The following ACTR10 variants were observed in gnomAD, a reference collection of about 807,000 sequenced individuals.
ACTR10 encodes actin related protein 10.
A neutral mutation model predicts 56.2 loss-of-function variants in ACTR10; 43 were observed. The observed-to-expected ratio is 0.77, with a 90% CI of 0.60 to 0.99. ACTR10 has a LOEUF of 0.99. Among genes scored for constraint, ACTR10 ranks in the 50% least tolerant of loss-of-function variants. The pLI is 0.00. For missense variants in ACTR10, 466 were observed against 507.8 expected (o/e 0.92, Z 0.79); for synonymous variants, 170 against 176.3 (o/e 0.96, Z 0.28).
Position 58,209,116 on chromosome 14 carries a change from C to A in ACTR10, c.342+9C>A. On this transcript the variant is annotated intron_variant, in intron 4 of 12. Coordinates refer to ENST00000254286, the MANE Select transcript of ACTR10 (RefSeq NM_018477.3). ...TTTTCAAATATTTTGAGGTACCTGTCTTTATATCAAATAAGTAAATTGCTT... is the reference window on the plus strand; with the variant it reads ...TTTTCAAATATTTTGAGGTACCTGTATTTATATCAAATAAGTAAATTGCTT... 3 of 1,501,908 alleles carry A rather than the reference C, an allele frequency of 2.0e-6. No homozygotes were observed. The highest frequency in any genetic ancestry group is 2.0e-5 in the Admixed American group (1 of 49,678). 93.0% of individuals were successfully genotyped at this position (1,501,908 alleles called of 1,614,324 possible).
chr14:58,224,856 G>C (rs920049532), intron 10 of ACTR10, among the ~76,000 whole-genome samples: 1 of 152,020 alleles, frequency 6.6e-6, no homozygotes, highest in Non-Finnish European at 1.5e-5. Flanking sequence ...AGCTGTGGTA[G>C]CACATGCCCG....
Position 58,223,640 on chromosome 14 carries a change from G to A in ACTR10, c.653G>A (p.Ser218Asn), listed in dbSNP as rs1194994344. 6.2e-7 allele frequency: 1 copy of A among 1,612,874 alleles called. No individual in the cohort carries two copies. Among genetic ancestry groups the A allele is most frequent in the African/African-American group, 1.3e-5 (1 of 74,850 alleles). Residue 218 changes from serine (S) to asparagine (N), a missense_variant, in exon 9 of 13, where the codon AGT (serine) becomes AAT (asparagine). Coordinates refer to ENST00000254286, the MANE Select transcript of ACTR10 (RefSeq NM_018477.3). ...EDIKARTCFV[S>N]DLKRGLKIQA... ...CTTAAAGCGCGTACTTGCTTTGTAA[G>A]TGATCTGAAGCGAGGACTAAAAATC...
In ACTR10 at chr14:58,232,184, C is replaced by T. The variant is rs1040011021; in HGVS notation, c.989C>T (p.Pro330Leu). The part of the protein sequence containing the change: ...LAEIRYLVEK[P>L]KYKKALGTKT... The stretch of plus-strand genomic sequence containing the variant: ...GAAATAAGGTATTTGGTAGAAAAAC[C>T]AAAATATAAAAAAGCACTTGGCACT... Residue 330 changes from proline (P) to leucine (L), a missense_variant, in exon 12 of 13, where the codon CCA (proline) becomes CTA (leucine). Pro to Leu is a moderately conservative substitution (Grantham distance 98). Coordinates refer to ENST00000254286, the MANE Select transcript of ACTR10 (RefSeq NM_018477.3). The T allele has an allele frequency of 6.2e-7, 1 of 1,613,490 alleles. No individual in the cohort carries two copies. Among genetic ancestry groups the T allele is most frequent in the Admixed American group, 1.7e-5 (1 of 59,944 alleles).
intron 10 of ACTR10, among the ~76,000 whole-genome samples, chr14:58,228,172 T>G (rs948277002): frequency 6.6e-6 from 1 of 152,228 alleles, no homozygotes; most frequent in Non-Finnish European, 1.5e-5. Flanking sequence ...CATCTCATAT[T>G]AGAGACCCAA....
rs143104588 is a variant in ACTR10, at chr14:58,203,505, T to G, written c.150+578T>G. Among the ~76,000 whole-genome samples the G allele has an allele frequency of 8.7e-4, 132 of 152,262 alleles. 1 individual carries two copies. The highest frequency in any genetic ancestry group is 3.0e-3 in the African/African-American group (125 of 41,558). ...CCCAGTAAAATCCCTAATACCCGTTTACAATTAATCCTCATTCCTATCCTC... is the reference window on the plus strand; with the variant it reads ...CCCAGTAAAATCCCTAATACCCGTTGACAATTAATCCTCATTCCTATCCTC... On this transcript the variant is annotated intron_variant, in intron 2 of 12. Coordinates refer to ENST00000254286, the MANE Select transcript of ACTR10 (RefSeq NM_018477.3).
chr14:58,210,679 C>T (rs1179831600), intron 4 of ACTR10, among the ~76,000 whole-genome samples: 9 of 139,928 alleles, frequency 6.4e-5, no homozygotes, highest in East Asian at 2.1e-4. Context: ...TTCTTTTTTT[C>T]TTTTTTTTTT....
At chr14:58,203,679 T>C (rs187626107) in intron 2 of ACTR10, among the ~76,000 whole-genome samples, 8 of 152,268 alleles carry the variant, frequency 5.3e-5, no homozygotes, top group Non-Finnish European at 8.8e-5. Flanking sequence ...TTATTTATAA[T>C]ATATCAGATA....
intron 1 of ACTR10, among the ~76,000 whole-genome samples, chr14:58,202,270 C>G (rs1269305492): frequency 6.6e-6 from 1 of 151,996 alleles, no homozygotes; most frequent in East Asian, 1.9e-4. Context: ...TGCCTAAATT[C>G]TGCTAAAATT....
chr14:58,211,344 GAATT>G lies in ACTR10; in HGVS notation c.400_403del (p.Asn134LeufsTer5). Reference sequence around the variant, plus strand: ...CATCTAATGGCTCTTCTGACGCTTGGAATTAATTCTGCCATGGTCCTAGATTGTG... The same window carrying G: ...CATCTAATGGCTCTTCTGACGCTTGGAATTCTGCCATGGTCCTAGATTGTG... On this transcript the variant is annotated frameshift_variant, in exon 5 of 13. Coordinates refer to ENST00000254286, the MANE Select transcript of ACTR10 (RefSeq NM_018477.3). LOFTEE classifies it high-confidence loss of function. The G allele has an allele frequency of 6.2e-7, 1 of 1,613,800 alleles. No homozygotes were observed. Among genetic ancestry groups the G allele is most frequent in the Middle Eastern group, 1.7e-4 (1 of 6,058 alleles).
intron 7 of ACTR10, among the ~76,000 whole-genome samples, chr14:58,219,172 C>G (rs945581930): frequency 1.5e-4 from 23 of 152,102 alleles, no homozygotes; most frequent in Non-Finnish European, 3.2e-4. Context: ...AATTTTGTTT[C>G]TGAGACAGAT....
chr14:58,213,835 C>T (rs565840559), intron 6 of ACTR10, 137 bp downstream of exon 6: 6 of 584,042 alleles, frequency 1.0e-5, no homozygotes, highest in African/African-American at 3.8e-5. Flanking sequence ...CTATTAGCTT[C>T]GAGTATATTC....
At position 58,202,320 on chromosome 14, in the gene ACTR10, G is replaced by A. The variant is rs1029894695; in HGVS notation, c.78-535G>A. On this transcript the variant is annotated intron_variant, in intron 1 of 12. Transcript: ENST00000254286. ...AAGTTGGCCAGGCGCGGTGGCCCAC[G>A]CCTGTAATACCAGCACTTTGGGAGG... Among the ~76,000 whole-genome samples the A allele has an allele frequency of 4.6e-5, 7 of 151,842 alleles. No homozygotes were observed. The East Asian group carries it at 9.7e-4, about 21-fold the overall frequency.
intron 10 of ACTR10, among the ~76,000 whole-genome samples, chr14:58,228,159 TATC>T (rs916873501): frequency 9.8e-5 from 15 of 152,304 alleles, no homozygotes; most frequent in African/African-American, 2.9e-4. Flanking sequence ...GGGACAATAT[TATC>T]ATCTCATATT....
chr14:58,223,652 G>A lies in ACTR10; in HGVS notation c.665G>A (p.Arg222Gln), dbSNP rs753835633. The A allele has an allele frequency of 9.9e-6, 16 of 1,612,472 alleles. No individual in the cohort carries two copies. The highest frequency in any genetic ancestry group is 3.3e-5 in the Admixed American group (2 of 59,838). ...ACTTGCTTTGTAAGTGATCTGAAGC[G>A]AGGACTAAAAATCCAAGCAGCAAAA... ...ARTCFVSDLK[R>Q]GLKIQAAKFN... Residue 222 changes from arginine (R) to glutamine (Q), a missense_variant, in exon 9 of 13, where the codon CGA (arginine) becomes CAA (glutamine). Arg to Gln is a conservative substitution (Grantham distance 43). Transcript: ENST00000254286.
At chr14:58,201,027 G>A (rs1317006150) in intron 1 of ACTR10, among the ~76,000 whole-genome samples, 1 of 152,194 alleles carries the variant, frequency 6.6e-6, no homozygotes, top group Non-Finnish European at 1.5e-5. Context: ...TAGATTAAGA[G>A]TCCTTGTGAT....
At chr14:58,202,773 AACAAAT>A in intron 1 of ACTR10, 76 bp from the exon 2 acceptor site, 3 of 1,016,038 alleles carry the variant, frequency 3.0e-6, no homozygotes, top group Non-Finnish European at 4.4e-6. Flanking sequence ...ATTGTTTTGA[AACAAAT>A]ACAGAGAAAA....
At chr14:58,230,510 ATT>A in intron 11 of ACTR10, 30 bp downstream of exon 11, 1 of 1,168,008 alleles carries the variant, frequency 8.6e-7, no homozygotes, top group Non-Finnish European at 1.2e-6. Flanking sequence ...AATTCCCTTT[ATT>A]ACCACAGTCC....
intron 2 of ACTR10, among the ~76,000 whole-genome samples, chr14:58,203,598 C>T (rs925486650): frequency 6.6e-6 from 1 of 152,006 alleles, no homozygotes; most frequent in African/African-American, 2.4e-5. Context: ...TAAATGGAAT[C>T]ATATATCAAG....
chr14:58,216,278 C>G (rs186675991), intron 7 of ACTR10, among the ~76,000 whole-genome samples: 1 of 152,244 alleles, frequency 6.6e-6, no homozygotes, highest in Admixed American at 6.5e-5. Context: ...GCGCAAGCCA[C>G]CACACCCAGC....
Sources: allele counts gnomAD v4.1 joint callset (sites outside exome capture counted in the v4.1 genomes callset), GRCh38; gene constraint gnomAD v4.1.1; transcripts MANE v1.5; gene names NCBI Gene and HGNC (gene_info 2026-07-23, HGNC 2026-07-21).